Variants in FRMD4A observed in about 807,000 individuals in gnomAD.
FRMD4A encodes FERM domain-containing protein 4A.
A neutral mutation model predicts 129.1 loss-of-function variants in FRMD4A; 29 were observed. The ratio of observed to expected loss-of-function variants is 0.22; its 90% CI spans 0.17 to 0.31. The LOEUF (loss-of-function observed/expected upper bound fraction) is 0.31, where lower values mean the gene tolerates loss of function less well. Among genes scored for constraint, FRMD4A ranks in the 10% least tolerant of loss-of-function variants. The probability of loss-of-function intolerance (pLI) is 1.00; values close to 1 mark genes in which losing one functional copy is unlikely to be tolerated. For missense variants in FRMD4A, 1,272 were observed against 1,375.8 expected (o/e 0.92, Z 1.19); for synonymous variants, 634 against 571.6 (o/e 1.11, Z -1.56).
chr10:13,971,102 ACACACGTG>A (rs2095515183), intron 2 of FRMD4A, among the ~76,000 whole-genome samples: 1 of 152,158 alleles, frequency 6.6e-6, no homozygotes, highest in African/African-American at 2.4e-5. Flanking sequence ...ACTCACACAC[ACACACGTG>A]CACACATGCA....
chr10:14,330,541 C>G (rs999201274), intron 1 of FRMD4A, 56 bp downstream of exon 1: 1 of 407,638 alleles, frequency 2.5e-6, no homozygotes, highest in Non-Finnish European at 4.3e-6. Context: ...GCCACCCCCT[C>G]TCTCTGCATC....
chr10:13,924,292 T>C (rs1402455967), intron 2 of FRMD4A, among the ~76,000 whole-genome samples: 1 of 152,182 alleles, frequency 6.6e-6, no homozygotes, highest in African/African-American at 2.4e-5. Context: ...GTTCCTCCAA[T>C]GACTTCTCAT....
intron 2 of FRMD4A, among the ~76,000 whole-genome samples, chr10:14,052,563 C>A (rs753580224): frequency 6.6e-6 from 1 of 151,816 alleles, no homozygotes; most frequent in Non-Finnish European, 1.5e-5. Context: ...AGGCTCTTTT[C>A]TTTTTGTTTT....
In FRMD4A at chr10:13,734,834, C is replaced by CTTTT. The variant is rs1159268512; in HGVS notation, c.759+3006_759+3009dup. Reference sequence around the variant, plus strand: ...TATGCAATAACTTTTTTTTCTTCTTCTTTTTCTATTTATTTATTTATTTAT... The same window carrying CTTTT: ...TATGCAATAACTTTTTTTTCTTCTTCTTTTTTTTTCTATTTATTTATTTATTTAT... On this transcript the variant is annotated intron_variant, in intron 12 of 24. Coordinates refer to ENST00000357447, the MANE Select transcript of FRMD4A (RefSeq NM_018027.5). Among the ~76,000 whole-genome samples, 9 of 143,184 alleles carry CTTTT rather than the reference C, an allele frequency of 6.3e-5. No individual in the cohort carries two copies. The Admixed American group carries it at 7.0e-4, about 11-fold the overall frequency. The allele number at this position is 143,184 out of a possible 152,430, so 93.9% of individuals were successfully genotyped here. A position where few individuals can be genotyped will look rare whatever the true frequency, so the allele number is the denominator to read the frequency against.
chr10:13,744,864 C>A (rs1052456438), intron 9 of FRMD4A, among the ~76,000 whole-genome samples: 1 of 152,204 alleles, frequency 6.6e-6, no homozygotes, highest in Admixed American at 6.5e-5. Flanking sequence ...TGCACCTGCT[C>A]TCTCTTCATT....
At position 13,804,523 on chromosome 10, in the gene FRMD4A, T is replaced by C. The variant is rs186913731; in HGVS notation, c.206+6291A>G. On this transcript the variant is annotated intron_variant, in intron 4 of 24. Transcript: ENST00000357447. ...GATGCATCTTCAATGAGTCAGGACT[T>C]TTTCTTTCTTTCTTTCTTTCTTTAT... Among the ~76,000 whole-genome samples the C allele has an allele frequency of 9.7e-4, 143 of 146,720 alleles. 1 individual carries two copies. The Middle Eastern group carries it at 0.014, about 15-fold the overall frequency.
chr10:14,030,277 A>C (rs1346426650), intron 2 of FRMD4A, among the ~76,000 whole-genome samples: 1 of 152,252 alleles, frequency 6.6e-6, no homozygotes, highest in Non-Finnish European at 1.5e-5. Context: ...GTTTTTTAGA[A>C]AAAGAAAGCA....
intron 2 of FRMD4A, among the ~76,000 whole-genome samples, chr10:14,152,840 T>A (rs374898371): frequency 3.4e-4 from 52 of 151,456 alleles, no homozygotes; most frequent in African/African-American, 1.2e-3. Context: ...ACCTTGCCTC[T>A]GAGAAGAAAA....
At chr10:13,995,710 G>A (rs1354083805) in intron 2 of FRMD4A, among the ~76,000 whole-genome samples, 7 of 152,200 alleles carry the variant, frequency 4.6e-5, no homozygotes, top group South Asian at 2.1e-4. Flanking sequence ...GGTTCTGCTC[G>A]TTGACAATTG....
chr10:14,145,979 T>A (rs1564338230), intron 2 of FRMD4A, among the ~76,000 whole-genome samples: 1 of 152,206 alleles, frequency 6.6e-6, no homozygotes, highest in Non-Finnish European at 1.5e-5. Flanking sequence ...GCTTAAAACA[T>A]TTTCCTAACA....
rs749922552 is a variant in FRMD4A at position 13,747,780 on chromosome 10, G to C, written c.504C>G (p.Ala168=). ...VVRSDLKKLP[A]LPTQALKEHP... ...GCTCCTTCAGGGCTTGGGTGGGAAG[G>C]GCTGGCAGCTTCTTCAAGTCACTCC... The change falls in exon 9 of 25, where the codon GCC becomes GCG. Residue 168 remains alanine (A), a synonymous_variant. Transcript: ENST00000357447. 6.2e-7 allele frequency: 1 copy of C among 1,607,004 alleles called. No homozygotes were observed. Among genetic ancestry groups the C allele is most frequent in the Non-Finnish European group, 8.5e-7 (1 of 1,173,788 alleles).
chr10:14,123,843 T>C (rs1234042919), intron 2 of FRMD4A, among the ~76,000 whole-genome samples: 1 of 152,210 alleles, frequency 6.6e-6, no homozygotes, highest in African/African-American at 2.4e-5. Flanking sequence ...TTAAGCTTGC[T>C]TGTATCTATC....
chr10:13,659,860 T>TCCC (rs1554827839), intron 20 of FRMD4A, among the ~76,000 whole-genome samples: 15 of 62,134 alleles, frequency 2.4e-4, no homozygotes, highest in African/African-American at 6.0e-4. Flanking sequence ...GAAAATGCCT[T>TCCC]CCCCCCCAAA....
intron 5 of FRMD4A, among the ~76,000 whole-genome samples, chr10:13,786,186 G>A (rs558620541): frequency 2.6e-4 from 39 of 152,164 alleles, no homozygotes; most frequent in Non-Finnish European, 3.2e-4. Context: ...AGATCCTTGA[G>A]GAATCGCCAC....
chr10:14,272,612 A>C (rs866641518), intron 2 of FRMD4A, among the ~76,000 whole-genome samples: 1 of 152,220 alleles, frequency 6.6e-6, no homozygotes, highest in South Asian at 2.1e-4. Flanking sequence ...AATTTATAAG[A>C]AAAGAGGTTT....
intron 3 of FRMD4A, among the ~76,000 whole-genome samples, chr10:13,829,840 T>G (rs2093761522): frequency 6.6e-6 from 1 of 152,212 alleles, no homozygotes; most frequent in Non-Finnish European, 1.5e-5. Flanking sequence ...TTCTGTCACC[T>G]GCCTGACTCT....
intron 2 of FRMD4A, among the ~76,000 whole-genome samples, chr10:13,946,907 C>T (rs2095336157): frequency 6.6e-6 from 1 of 152,002 alleles, no homozygotes. Flanking sequence ...GCTTATGGCA[C>T]AAAGAAGAGG....
intron 2 of FRMD4A, among the ~76,000 whole-genome samples, chr10:13,999,466 A>G (rs1404608981): frequency 6.6e-6 from 1 of 152,188 alleles, no homozygotes; most frequent in Non-Finnish European, 1.5e-5. Flanking sequence ...TTTTCTAGCA[A>G]TGATCAATAT....
chr10:13,688,315 G>A (rs999481870), intron 15 of FRMD4A, among the ~76,000 whole-genome samples: 5 of 151,970 alleles, frequency 3.3e-5, no homozygotes, highest in Non-Finnish European at 5.9e-5. Context: ...AACACCGCAT[G>A]TTCTCACTCA....
Sources: allele counts gnomAD v4.1 joint callset (sites outside exome capture counted in the v4.1 genomes callset), GRCh38; gene constraint gnomAD v4.1.1; transcripts MANE v1.5; gene names NCBI Gene and HGNC (gene_info 2026-07-23, HGNC 2026-07-21).